The following DOK5 variants were observed in gnomAD, a reference collection of about 807,000 sequenced individuals.
DOK5 encodes docking protein 5, also known as downstream of tyrosine kinase 5.
DOK5 carries 27 observed loss-of-function variants against 43.3 expected under a neutral mutation model. The observed-to-expected ratio is 0.62, with a 90% CI of 0.46 to 0.86. The LOEUF (loss-of-function observed/expected upper bound fraction) is 0.86, where lower values mean the gene tolerates loss of function less well. Ranked by LOEUF, DOK5 falls within the 40% of genes least tolerant of loss-of-function variation. The pLI, the probability that DOK5 is intolerant of heterozygous loss-of-function variation, is 0.00. For missense variants in DOK5, 373 were observed against 392.9 expected (o/e 0.95, Z 0.43); for synonymous variants, 146 against 140.1 (o/e 1.04, Z -0.30).
At chr20:54,607,688 C>A (rs954719221) in intron 5 of DOK5, among the ~76,000 whole-genome samples, 29 of 151,502 alleles carry the variant, frequency 1.9e-4, no homozygotes, top group Admixed American at 6.6e-5. Context: ...AGTTCGAGAC[C>A]AGCGGCCAAA....
chr20:54,484,720 T>C (rs1156666736), intron 1 of DOK5, among the ~76,000 whole-genome samples: 3 of 152,124 alleles, frequency 2.0e-5, no homozygotes, highest in African/African-American at 4.8e-5. Context: ...TCAAGAATAT[T>C]ATGTAAATGG....
intron 2 of DOK5, among the ~76,000 whole-genome samples, chr20:54,558,865 A>C (rs1350177370): frequency 1.3e-5 from 2 of 152,318 alleles, no homozygotes; most frequent in African/African-American, 4.8e-5. Flanking sequence ...ACACAAGAAA[A>C]AGATTGTAGA....
Position 54,608,041 on chromosome 20 carries a change from G to A in DOK5, c.600-2347G>A, listed in dbSNP as rs186734556. 3.7e-4 allele frequency among the ~76,000 whole-genome samples: 56 copies of A among 152,184 alleles called. No individual in the cohort carries two copies. In the South Asian group the frequency reaches 5.0e-3, roughly 14 times the overall value. ...AAATAAGATAGAATAGAAAATAATAGCATGTTATAGATTGATGATAGATTG... is the reference window on the plus strand; with the variant it reads ...AAATAAGATAGAATAGAAAATAATAACATGTTATAGATTGATGATAGATTG... On this transcript the variant is annotated intron_variant, in intron 5 of 7. Transcript: ENST00000262593.
rs1036166102 is a variant in DOK5, at chr20:54,492,731, T to G, written c.66+16719T>G. Reference sequence around the variant, plus strand: ...GTGTGTGTGTGTGTGTGTTTTAGGATCAGAGGTAACAGAGAGAACAACTTT... The same window carrying G: ...GTGTGTGTGTGTGTGTGTTTTAGGAGCAGAGGTAACAGAGAGAACAACTTT... On this transcript the variant is annotated intron_variant, in intron 1 of 7. Transcript: ENST00000262593. 2.0e-4 allele frequency among the ~76,000 whole-genome samples: 30 copies of G among 150,052 alleles called. 1 individual carries two copies. The highest frequency in any genetic ancestry group is 7.4e-4 in the African/African-American group (30 of 40,562).
intron 2 of DOK5, among the ~76,000 whole-genome samples, chr20:54,564,262 A>C (rs1343697679): frequency 6.6e-6 from 1 of 151,994 alleles, no homozygotes; most frequent in African/African-American, 2.4e-5. Context: ...TCTCTACTAA[A>C]AAAAATACAA....
At chr20:54,495,119 T>A (rs1473839814) in intron 1 of DOK5, 1 of 150,882 alleles carries the variant, frequency 6.6e-6, no homozygotes, top group Non-Finnish European at 1.5e-5. Flanking sequence ...AGTAGATTCA[T>A]ACACTGAAAA....
chr20:54,530,675 G>A (rs958669702), intron 1 of DOK5, among the ~76,000 whole-genome samples: 3 of 152,076 alleles, frequency 2.0e-5, no homozygotes, highest in Admixed American at 6.6e-5. Flanking sequence ...GCACCCCATC[G>A]GGTAGTTGGG....
intron 6 of DOK5, among the ~76,000 whole-genome samples, chr20:54,632,715 G>T (rs560667487): frequency 1.3e-5 from 2 of 152,286 alleles, no homozygotes; most frequent in East Asian, 3.9e-4. Context: ...AAATAGCACA[G>T]GACAGTAATT....
At chr20:54,483,368 A>G (rs916479052) in intron 1 of DOK5, among the ~76,000 whole-genome samples, 1 of 152,202 alleles carries the variant, frequency 6.6e-6, no homozygotes, top group Middle Eastern at 3.2e-3. Flanking sequence ...CATTTGTTTT[A>G]TCATTCCTCA....
At chr20:54,494,490 C>T (rs2146671714) in intron 1 of DOK5, among the ~76,000 whole-genome samples, 2 of 152,250 alleles carry the variant, frequency 1.3e-5, no homozygotes, top group Admixed American at 1.3e-4. Context: ...TTCCTTCTAC[C>T]AGCTGCTTGG....
rs778349711 is a variant in DOK5, at chr20:54,589,236, G to A, written c.409+430G>A. Among the ~76,000 whole-genome samples the A allele has an allele frequency of 5.3e-5, 8 of 152,264 alleles. No individual in the cohort carries two copies. The East Asian group carries it at 5.8e-4, about 11-fold the overall frequency. On this transcript the variant is annotated intron_variant, in intron 4 of 7. Coordinates refer to ENST00000262593, the MANE Select transcript of DOK5 (RefSeq NM_018431.5). Reference sequence around the variant, plus strand: ...CTAGTGTTTGATTCTAGACGATACCGTTGGACCTATATTACAGTTTACAGA... The same window carrying A: ...CTAGTGTTTGATTCTAGACGATACCATTGGACCTATATTACAGTTTACAGA...
intron 2 of DOK5, among the ~76,000 whole-genome samples, chr20:54,570,374 C>T (rs965971650): frequency 2.0e-5 from 3 of 152,054 alleles, no homozygotes; most frequent in South Asian, 2.1e-4. Context: ...TCTTTATTTT[C>T]GGTAGGATAA....
At chr20:54,609,422 C>G (rs1600733520) in intron 5 of DOK5, among the ~76,000 whole-genome samples, 1 of 151,980 alleles carries the variant, frequency 6.6e-6, no homozygotes, top group Non-Finnish European at 1.5e-5. Context: ...CTTTTAATAT[C>G]CCTGCATATG....
At chr20:54,570,760 T>C (rs1207784218) in intron 2 of DOK5, among the ~76,000 whole-genome samples, 1 of 152,330 alleles carries the variant, frequency 6.6e-6, no homozygotes, top group Non-Finnish European at 1.5e-5. Context: ...CTGAAGGGAA[T>C]GTGCCTTTAA....
In DOK5 at chr20:54,476,557, C is replaced by T. The variant is rs1415054878; in HGVS notation, c.66+545C>T. 1.3e-5 allele frequency among the ~76,000 whole-genome samples: 2 copies of T among 152,144 alleles called. 1 individual carries two copies. Among genetic ancestry groups the T allele is most frequent in the Non-Finnish European group, 2.9e-5 (2 of 68,030 alleles). On this transcript the variant is annotated intron_variant, in intron 1 of 7. Coordinates refer to ENST00000262593, the MANE Select transcript of DOK5 (RefSeq NM_018431.5). ...TGTCAAAGGCGGTGCGGGCTGGCCTCTGGTCGGGGCCAACTTGGGTAGATA... is the reference window on the plus strand; with the variant it reads ...TGTCAAAGGCGGTGCGGGCTGGCCTTTGGTCGGGGCCAACTTGGGTAGATA...
At chr20:54,595,736 G>A (rs1986120585) in intron 5 of DOK5, among the ~76,000 whole-genome samples, 2 of 152,204 alleles carry the variant, frequency 1.3e-5, no homozygotes, top group East Asian at 3.9e-4. Flanking sequence ...GTGCAAACTT[G>A]AGATTGAATG....
chr20:54,603,103 G>A (rs1038745315), intron 5 of DOK5, among the ~76,000 whole-genome samples: 2 of 152,206 alleles, frequency 1.3e-5, no homozygotes, highest in East Asian at 3.8e-4. Flanking sequence ...AATGAATCAC[G>A]TAGGTGGCAC....
chr20:54,521,046 C>G (rs901082343), intron 1 of DOK5, among the ~76,000 whole-genome samples: 8 of 151,960 alleles, frequency 5.3e-5, no homozygotes, highest in Non-Finnish European at 1.2e-4. Context: ...TCGGCTTGCT[C>G]CCTTACATCA....
chr20:54,610,320 C>G (rs564687956), intron 5 of DOK5, 68 bp from the exon 6 acceptor site: 1 of 1,405,722 alleles, frequency 7.1e-7, no homozygotes, highest in East Asian at 2.5e-5. Context: ...TGGAGTATGC[C>G]AGGATCTTGG....
Sources: allele counts gnomAD v4.1 joint callset (sites outside exome capture counted in the v4.1 genomes callset), GRCh38; gene constraint gnomAD v4.1.1; transcripts MANE v1.5; gene names NCBI Gene and HGNC (gene_info 2026-07-23, HGNC 2026-07-21).